BTLA: variants seen among roughly 807,000 people sequenced by gnomAD.
BTLA encodes B- and T-lymphocyte attenuator.
A neutral mutation model predicts 25.0 loss-of-function variants in BTLA; 11 were observed. The observed-to-expected ratio is 0.44, with a 90% confidence interval of 0.28 to 0.73. The LOEUF is 0.73. Among genes scored for constraint, BTLA ranks in the 30% least tolerant of loss-of-function variants. The pLI, the probability that BTLA is intolerant of heterozygous loss-of-function variation, is 0.15. For synonymous variants in BTLA, 104 were observed against 119.8 expected (o/e 0.87, Z 0.86); for missense variants, 282 against 332.8 (o/e 0.85, Z 1.19).
chr3:112,475,052 C>T (rs1576680368), intron 2 of BTLA, among the ~76,000 whole-genome samples: 1 of 152,148 alleles, frequency 6.6e-6, no homozygotes, highest in East Asian at 1.9e-4. Context: ...ATACTAAAGA[C>T]AAAGAGTCCA....
intron 1 of BTLA, among the ~76,000 whole-genome samples, chr3:112,482,219 T>C (rs1233248233): frequency 1.3e-5 from 2 of 152,244 alleles, no homozygotes; most frequent in East Asian, 1.9e-4. Context: ...CCGTCTCTCT[T>C]AGCAATGTCT....
At chr3:112,488,383 C>A (rs552825978) in intron 1 of BTLA, among the ~76,000 whole-genome samples, 1 of 152,036 alleles carries the variant, frequency 6.6e-6, no homozygotes, top group Admixed American at 6.5e-5. Flanking sequence ...CCACCACGCC[C>A]GGCTAATTTT....
chr3:112,498,268 G>A (rs1173991583), intron 1 of BTLA, among the ~76,000 whole-genome samples: 1 of 151,658 alleles, frequency 6.6e-6, no homozygotes, highest in African/African-American at 2.4e-5. Flanking sequence ...TTAGCTGTGC[G>A]TGGTGGAAGG....
rs1054713070 is a variant in BTLA, at chr3:112,486,548, T to C, written c.89-6779A>G. Among the ~76,000 whole-genome samples, 4 of 152,230 alleles carry C rather than the reference T, an allele frequency of 2.6e-5. No homozygotes were observed. The East Asian group carries it at 7.7e-4, about 29-fold the overall frequency. ...ATATCCACCTAAACAGTATGAACTTTGATTCTTTAGTTATAGTCTGATATA... is the reference window on the plus strand; with the variant it reads ...ATATCCACCTAAACAGTATGAACTTCGATTCTTTAGTTATAGTCTGATATA... On this transcript the variant is annotated intron_variant, in intron 1 of 4. Coordinates refer to ENST00000334529, the MANE Select transcript of BTLA (RefSeq NM_181780.4).
rs2082428621 is a variant in BTLA, at chr3:112,499,299, G to A, written c.60C>T (p.Ile20=). 2.5e-6 allele frequency: 4 copies of A among 1,611,566 alleles called. No homozygotes were observed. The highest frequency in any genetic ancestry group is 4.5e-5 in the East Asian group (2 of 44,854). The change falls in exon 1 of 5, where the codon ATC becomes ATT. Residue 20 remains isoleucine (I), a synonymous_variant. Coordinates refer to ENST00000334529, the MANE Select transcript of BTLA (RefSeq NM_181780.4). ...TGKLFWVFFL[I]PYLDIWNIHG... ...GGATGTTCCAGATGTCCAGATATGGGATTAAGAAGAAGACCCAAAATAATT... is the reference window on the plus strand; with the variant it reads ...GGATGTTCCAGATGTCCAGATATGGAATTAAGAAGAAGACCCAAAATAATT...
chr3:112,472,273 A>G (rs1281574434), intron 2 of BTLA, among the ~76,000 whole-genome samples: 1 of 152,234 alleles, frequency 6.6e-6, no homozygotes, highest in African/African-American at 2.4e-5. Flanking sequence ...CTTATGGTTA[A>G]GTATGACCTT....
chr3:112,479,209 A>T (rs2082304850), intron 2 of BTLA, among the ~76,000 whole-genome samples: 1 of 152,184 alleles, frequency 6.6e-6, no homozygotes, highest in Admixed American at 6.5e-5. Flanking sequence ...AAATTTTATA[A>T]TCCCTAAAGT....
At position 112,499,296 on chromosome 3, in the gene BTLA, T is replaced by C. The variant is rs1227840597; in HGVS notation, c.63A>G (p.Pro21=). The change falls in exon 1 of 5, where the codon CCA becomes CCG. Residue 21 remains proline (P), a synonymous_variant. Coordinates refer to ENST00000334529, the MANE Select transcript of BTLA (RefSeq NM_181780.4). ...GKLFWVFFLI[P]YLDIWNIHGK... ...CATGGATGTTCCAGATGTCCAGATATGGGATTAAGAAGAAGACCCAAAATA... is the reference window on the plus strand; with the variant it reads ...CATGGATGTTCCAGATGTCCAGATACGGGATTAAGAAGAAGACCCAAAATA... The C allele has an allele frequency of 3.1e-6, 5 of 1,610,622 alleles. No individual in the cohort carries two copies. In the African/African-American group the frequency reaches 5.3e-5, roughly 17 times the overall value.
intron 1 of BTLA, among the ~76,000 whole-genome samples, chr3:112,496,927 C>T (rs2082412505): frequency 6.6e-6 from 1 of 152,140 alleles, no homozygotes; most frequent in Admixed American, 6.5e-5. Flanking sequence ...GGGGTTTCAC[C>T]ATGTTGACCA....
intron 2 of BTLA, among the ~76,000 whole-genome samples, chr3:112,472,001 A>G (rs944996303): frequency 1.1e-4 from 16 of 152,240 alleles, no homozygotes; most frequent in Non-Finnish European, 2.9e-5. Flanking sequence ...TATGTCACAA[A>G]TAGCATTTTA....
In BTLA at chr3:112,487,472, C is replaced by T. The variant is rs370521832; in HGVS notation, c.89-7703G>A. 1.8e-4 allele frequency among the ~76,000 whole-genome samples: 27 copies of T among 152,198 alleles called. No homozygotes were observed. In the East Asian group the frequency reaches 4.4e-3, roughly 25 times the overall value. ...TGGTGGCGCATGCCTGTAATCCCAG[C>T]TACTCAGGAGGCTGAGGCAGGAGAA... On this transcript the variant is annotated intron_variant, in intron 1 of 4. Transcript: ENST00000334529.
intron 2 of BTLA, among the ~76,000 whole-genome samples, chr3:112,477,738 A>G (rs2082296447): frequency 6.6e-6 from 1 of 152,058 alleles, no homozygotes; most frequent in Non-Finnish European, 1.5e-5. Context: ...TGTTTTATAT[A>G]ATGCAGTTTT....
In BTLA at chr3:112,479,503, A is replaced by G; in HGVS notation, c.355T>C (p.Phe119Leu). Residue 119 changes from phenylalanine (F) to leucine (L), a missense_variant, in exon 2 of 5, where the codon TTT becomes CTT. By Grantham distance (22) the Phe-to-Leu change is conservative (BLOSUM62 0). Transcript: ENST00000334529. ...DNGSYRCSAN[F>L]QSNLIESHST... ...TGGCTTTCAATGAGATTAGACTGAA[A>G]ATTTGCAGAACAGCGGTATGACCCA... 1 of 1,614,050 alleles carries G rather than the reference A, an allele frequency of 6.2e-7. No individual in the cohort carries two copies. The highest frequency in any genetic ancestry group is 8.5e-7 in the Non-Finnish European group (1 of 1,179,922).
chr3:112,496,156 T>G (rs1052077712), intron 1 of BTLA, among the ~76,000 whole-genome samples: 3 of 152,156 alleles, frequency 2.0e-5, no homozygotes, highest in Admixed American at 6.5e-5. Context: ...TCAACTGAAC[T>G]AGGGTCTAGG....
rs756056550 is a variant in BTLA at position 112,469,753 on chromosome 3, C to T, written c.594+5G>A. 12 of 1,598,514 alleles carry T rather than the reference C, an allele frequency of 7.5e-6. No individual in the cohort carries two copies. In the East Asian group the frequency reaches 1.6e-4, roughly 21 times the overall value. On this transcript the variant is annotated splice_donor_5th_base_variant and intron_variant, in intron 4 of 4. Coordinates refer to ENST00000334529, the MANE Select transcript of BTLA (RefSeq NM_181780.4). ...CATTTGTTTCAACAGCTACATCAAGCTTACCAGGTTAATTTCCCTTCCTGC... is the reference window on the plus strand; with the variant it reads ...CATTTGTTTCAACAGCTACATCAAGTTTACCAGGTTAATTTCCCTTCCTGC...
chr3:112,467,229 G>C (rs1032549351), intron 4 of BTLA, among the ~76,000 whole-genome samples: 16 of 152,176 alleles, frequency 1.1e-4, no homozygotes, highest in African/African-American at 3.1e-4. Context: ...CAAAGTGCGA[G>C]GATTATAGAC....
At chr3:112,495,557 A>C (rs1395654589) in intron 1 of BTLA, among the ~76,000 whole-genome samples, 1 of 152,248 alleles carries the variant, frequency 6.6e-6, no homozygotes, top group Non-Finnish European at 1.5e-5. Flanking sequence ...TAATCTTTTC[A>C]TGCTTTAATT....
intron 4 of BTLA, among the ~76,000 whole-genome samples, chr3:112,469,224 T>C (rs2082246816): frequency 6.6e-6 from 1 of 152,192 alleles, no homozygotes; most frequent in South Asian, 2.1e-4. Context: ...GGTCCCTTCC[T>C]TGATGAGCCC....
At chr3:112,480,169 TAAG>T (rs1420455866) in intron 1 of BTLA, among the ~76,000 whole-genome samples, 1 of 152,160 alleles carries the variant, frequency 6.6e-6, no homozygotes, top group East Asian at 1.9e-4. Context: ...CCCCCACCCT[TAAG>T]AAGTTTCTTT....
Sources: gnomAD v4.1 joint callset for allele counts (sites outside exome capture counted in the v4.1 genomes callset) on GRCh38, gnomAD v4.1.1 for gene constraint, MANE v1.5 for transcripts, NCBI Gene and HGNC (gene_info 2026-07-23, HGNC 2026-07-21) for gene names.